Variants in PALM2AKAP2 observed in about 807,000 individuals in gnomAD.
PALM2AKAP2 encodes the protein PALM2 and AKAP2 fusion.
Under a neutral mutation model 71.5 loss-of-function variants are expected in PALM2AKAP2, and 37 were observed. The observed-to-expected ratio is 0.52, with a 90% CI of 0.40 to 0.68. The LOEUF is 0.68. Ranked by LOEUF, PALM2AKAP2 falls within the 30% of genes least tolerant of loss-of-function variation. The pLI, the probability that PALM2AKAP2 is intolerant of heterozygous loss-of-function variation, is 0.00. For synonymous variants in PALM2AKAP2, 468 were observed against 478.8 expected, an observed-to-expected ratio of 0.98 and a Z score of 0.29; for missense variants, 1,224 against 1,191.8, an observed-to-expected ratio of 1.03 and a Z score of -0.40.
intron 1 of PALM2AKAP2, among the ~76,000 whole-genome samples, chr9:109,662,223 G>A (rs1043155011): frequency 7.7e-4 from 117 of 152,290 alleles, no homozygotes; most frequent in Non-Finnish European, 1.6e-3. Context: ...AGTGGTGAGA[G>A]AGGGCATCCC....
intron 1 of PALM2AKAP2, among the ~76,000 whole-genome samples, chr9:109,654,198 T>C (rs1054257685): frequency 6.6e-6 from 1 of 152,216 alleles, no homozygotes; most frequent in Admixed American, 6.5e-5. Context: ...GGTATAAATC[T>C]CTAGTTATGA....
intron 1 of PALM2AKAP2, among the ~76,000 whole-genome samples, chr9:109,807,062 G>A (rs1248617812): frequency 7.2e-5 from 11 of 152,152 alleles, no homozygotes; most frequent in Admixed American, 2.6e-4. Context: ...GCTAGCAGCA[G>A]AGGAGATGGG....
At chr9:110,160,337 A>C (rs1441869088) in intron 3 of PALM2AKAP2, among the ~76,000 whole-genome samples, 1 of 152,152 alleles carries the variant, frequency 6.6e-6, no homozygotes, top group Non-Finnish European at 1.5e-5. Context: ...ATGTTCTCTT[A>C]TGTGGAAATG....
At chr9:109,865,113 T>TTTTTTTTTTTTTTTTTTC in intron 1 of PALM2AKAP2, among the ~76,000 whole-genome samples, 1 of 134,294 alleles carries the variant, frequency 7.4e-6, no homozygotes, top group African/African-American at 3.0e-5. Flanking sequence ...TTTTTTTTTT[T>TTTTTTTTTTTTTTTTTTC]TTTGAGACAG....
intron 1 of PALM2AKAP2, among the ~76,000 whole-genome samples, chr9:110,083,255 C>T (rs560278143): frequency 6.6e-6 from 1 of 152,294 alleles, no homozygotes; most frequent in South Asian, 2.1e-4. Context: ...ACTCTAGGTA[C>T]CTTGTATCAG....
At chr9:109,651,418 G>A (rs1314336090) in intron 1 of PALM2AKAP2, among the ~76,000 whole-genome samples, 1 of 152,204 alleles carries the variant, frequency 6.6e-6, no homozygotes, top group Non-Finnish European at 1.5e-5. Context: ...GCCCCTGGGT[G>A]CTTCACCATT....
Position 110,167,602 on chromosome 9 carries a change from G to A in PALM2AKAP2, c.2749-797G>A, listed in dbSNP as rs534712722. ...GGTGGTGAGCCTACTTGTCCTTAGT[G>A]TTGTCACCTTTCATTTCATTGATTA... On this transcript the variant is annotated intron_variant, in intron 3 of 3. Coordinates refer to ENST00000374525, the Ensembl canonical transcript of PALM2AKAP2. 1.1e-4 allele frequency among the ~76,000 whole-genome samples: 16 copies of A among 152,282 alleles called. No individual in the cohort carries two copies. The East Asian group carries it at 2.5e-3, about 24-fold the overall frequency.
intron 1 of PALM2AKAP2, among the ~76,000 whole-genome samples, chr9:109,755,987 G>A (rs987246477): frequency 1.2e-4 from 18 of 152,218 alleles, no homozygotes; most frequent in African/African-American, 4.3e-4. Flanking sequence ...GCACATGATG[G>A]TTTGATGAGC....
At chr9:110,159,701 A>G (rs1836548597) in intron 3 of PALM2AKAP2, among the ~76,000 whole-genome samples, 2 of 152,184 alleles carry the variant, frequency 1.3e-5, no homozygotes, top group African/African-American at 2.4e-5. Flanking sequence ...AGAAAAACTG[A>G]TCTTTGCCAT....
intron 1 of PALM2AKAP2, among the ~76,000 whole-genome samples, chr9:109,790,695 A>C (rs1291955812): frequency 1.3e-5 from 2 of 152,192 alleles, no homozygotes; most frequent in East Asian, 3.9e-4. Context: ...CAGGCACCTG[A>C]TTGGCCTTAA....
chr9:109,880,037 G>C (rs1415374021), intron 2 of PALM2AKAP2, among the ~76,000 whole-genome samples: 1 of 152,184 alleles, frequency 6.6e-6, no homozygotes, highest in Non-Finnish European at 1.5e-5. Flanking sequence ...GATTATTACT[G>C]AAGATGATTG....
intron 6 of PALM2AKAP2, among the ~76,000 whole-genome samples, chr9:109,984,116 A>G (rs1422364566): frequency 2.0e-5 from 3 of 152,172 alleles, no homozygotes; most frequent in Admixed American, 2.0e-4. Context: ...TTTTGGTGCG[A>G]ACTTCTCCAT....
chr9:109,715,381 C>T lies in PALM2AKAP2; in HGVS notation c.6-65107C>T, dbSNP rs531040594. Among the ~76,000 whole-genome samples, 4 of 152,316 alleles carry T rather than the reference C, an allele frequency of 2.6e-5. No homozygotes were observed. The South Asian group carries it at 8.3e-4, about 32-fold the overall frequency. On this transcript the variant is annotated intron_variant, in intron 1 of 6. Coordinates refer to the PALM2AKAP2 transcript ENST00000374531. Reference sequence around the variant, plus strand: ...TGACTTGACATTGAATTATTCACTTCAGACTCATTTACTTCTCCCTGCCCA... The same window carrying T: ...TGACTTGACATTGAATTATTCACTTTAGACTCATTTACTTCTCCCTGCCCA...
chr9:109,709,987 A>C (rs146890058), intron 1 of PALM2AKAP2, among the ~76,000 whole-genome samples: 7 of 152,314 alleles, frequency 4.6e-5, no homozygotes, highest in African/African-American at 1.7e-4. Flanking sequence ...CCCTAAATCC[A>C]ATGACAGGTG....
chr9:109,990,067 C>CTTTTTTTTTTTTTTTTT (rs35739397), intron 6 of PALM2AKAP2, among the ~76,000 whole-genome samples: 2 of 134,110 alleles, frequency 1.5e-5, no homozygotes, highest in African/African-American at 5.5e-5. Flanking sequence ...TTCTTTCTTT[C>CTTTTTTTTTTTTTTTTT]TTTTTTTTTT....
At chr9:109,734,572 G>T (rs1184217318) in intron 1 of PALM2AKAP2, among the ~76,000 whole-genome samples, 1 of 152,168 alleles carries the variant, frequency 6.6e-6, no homozygotes, top group African/African-American at 2.4e-5. Context: ...TGGACAGCCT[G>T]ATTTAGGAAT....
chr9:109,808,164 A>G (rs770357343), intron 1 of PALM2AKAP2, among the ~76,000 whole-genome samples: 7 of 152,228 alleles, frequency 4.6e-5, no homozygotes, highest in Non-Finnish European at 1.0e-4. Flanking sequence ...TGTGGAAGCA[A>G]CTTTGGAACT....
intron 3 of PALM2AKAP2, among the ~76,000 whole-genome samples, chr9:109,904,374 C>A (rs1483854402): frequency 6.6e-6 from 1 of 152,154 alleles, no homozygotes; most frequent in African/African-American, 2.4e-5. Context: ...TAAAGCATTA[C>A]ACAAATGTTG....
At chr9:109,680,831 T>C in intron 1 of PALM2AKAP2, among the ~76,000 whole-genome samples, 1 of 152,200 alleles carries the variant, frequency 6.6e-6, no homozygotes, top group Non-Finnish European at 1.5e-5. Context: ...TCCTGAGGTT[T>C]GTTATCTACA....
Sources: allele counts gnomAD v4.1 joint callset (sites outside exome capture counted in the v4.1 genomes callset), GRCh38; gene constraint gnomAD v4.1.1; transcripts MANE v1.5; gene names NCBI Gene and HGNC (gene_info 2026-07-23, HGNC 2026-07-21).